The following TBC1D32 variants were observed in gnomAD, a reference collection of about 807,000 sequenced individuals.
TBC1D32 encodes protein broad-minded.
In TBC1D32, 151 loss-of-function variants were observed where a neutral mutation model predicts 170.3. The observed-to-expected ratio is 0.89, with a 90% confidence interval of 0.78 to 1.01. TBC1D32 has a LOEUF of 1.01. Ranked by LOEUF, TBC1D32 falls within the 50% of genes least tolerant of loss-of-function variation. TBC1D32 has a pLI of 0.00. For missense variants in TBC1D32, 1,464 were observed against 1,457.1 expected (o/e 1.00, Z -0.08); for synonymous variants, 498 against 488.0 (o/e 1.02, Z -0.27).
chr6:121,221,117 C>T (rs1048422582), intron 21 of TBC1D32, among the ~76,000 whole-genome samples: 1 of 152,166 alleles, frequency 6.6e-6, no homozygotes, highest in Non-Finnish European at 1.5e-5. Context: ...GCTCATTTAC[C>T]ATTCCAAAAA....
chr6:121,236,097 C>A (rs527457962), intron 20 of TBC1D32, among the ~76,000 whole-genome samples: 1 of 149,466 alleles, frequency 6.7e-6, no homozygotes, highest in East Asian at 2.0e-4. Flanking sequence ...TCCTCCCCAC[C>A]TTATTCTGTG....
intron 30 of TBC1D32, among the ~76,000 whole-genome samples, chr6:121,094,694 C>A (rs1383623995): frequency 2.0e-5 from 3 of 151,824 alleles, no homozygotes; most frequent in Non-Finnish European, 2.9e-5. Flanking sequence ...CTATAGGTTC[C>A]CCTCCTTTCC....
Position 121,080,832 on chromosome 6 carries a change from T to C in TBC1D32, c.3713A>G (p.Glu1238Gly), listed in dbSNP as rs770444598. Residue 1238 changes from glutamate to glycine, a missense_variant, in exon 32 of 32, where the codon GAA becomes GGA. Glu to Gly is a moderately conservative substitution (Grantham distance 98). Transcript: ENST00000398212. ...SDYFEYMEIL[E>G]QNYRTVLLRD... ...CAGCAGCACTGTTCGGTAGTTTTGT[T>C]CCAAAATTTCCATGTATTCAAAATA... 6.2e-7 allele frequency: 1 copy of C among 1,613,954 alleles called. No homozygotes were observed. The highest frequency in any genetic ancestry group is 8.5e-7 in the Non-Finnish European group (1 of 1,179,922).
At chr6:121,220,642 T>TC (rs1794395425) in intron 21 of TBC1D32, among the ~76,000 whole-genome samples, 1 of 130,460 alleles carries the variant, frequency 7.7e-6, no homozygotes, top group Admixed American at 7.4e-5. Flanking sequence ...TTCTTTTTCT[T>TC]TTTTTTTTTT....
At chr6:121,301,323 G>A (rs1436552045) in intron 9 of TBC1D32, among the ~76,000 whole-genome samples, 1 of 152,134 alleles carries the variant, frequency 6.6e-6, no homozygotes, top group East Asian at 1.9e-4. Context: ...TAAAGAAAAT[G>A]TGGCACATAA....
chr6:121,288,871 T>C (rs1377215486), intron 12 of TBC1D32, among the ~76,000 whole-genome samples: 1 of 152,072 alleles, frequency 6.6e-6, no homozygotes, highest in African/African-American at 2.4e-5. Flanking sequence ...ATAAACGTAA[T>C]CCAGCATATA....
At chr6:121,089,159 C>A (rs1482882443) in intron 31 of TBC1D32, among the ~76,000 whole-genome samples, 2 of 152,104 alleles carry the variant, frequency 1.3e-5, no homozygotes, top group Non-Finnish European at 2.9e-5. Context: ...TATTTACTTA[C>A]ACAATCAACA....
chr6:121,184,954 C>CA (rs1788988146), intron 22 of TBC1D32, among the ~76,000 whole-genome samples: 1 of 151,996 alleles, frequency 6.6e-6, no homozygotes, highest in African/African-American at 2.4e-5. Flanking sequence ...CCTTGAAGAA[C>CA]ATTCACAAGT....
At chr6:121,332,240 A>G (rs1045267155) in intron 1 of TBC1D32, among the ~76,000 whole-genome samples, 1 of 152,168 alleles carries the variant, frequency 6.6e-6, no homozygotes, top group South Asian at 2.1e-4. Context: ...AAAAAAGAAA[A>G]AAGAGCTGCA....
At chr6:121,120,219 A>G (rs1780115175) in intron 26 of TBC1D32, among the ~76,000 whole-genome samples, 1 of 152,072 alleles carries the variant, frequency 6.6e-6, no homozygotes, top group Non-Finnish European at 1.5e-5. Context: ...GGAACCTTTA[A>G]GGAATTTAAA....
intron 22 of TBC1D32, among the ~76,000 whole-genome samples, chr6:121,202,434 A>G (rs1791708749): frequency 6.6e-6 from 1 of 151,198 alleles, no homozygotes; most frequent in Non-Finnish European, 1.5e-5. Flanking sequence ...AAAGAGAAGA[A>G]TTCACTAGAT....
chr6:121,288,266 A>C (rs556536793), intron 12 of TBC1D32, among the ~76,000 whole-genome samples: 2 of 152,300 alleles, frequency 1.3e-5, no homozygotes, highest in Admixed American at 1.3e-4. Flanking sequence ...CAAGACTAAT[A>C]AAGAAGAAAA....
At chr6:121,231,635 C>A (rs993121463) in intron 20 of TBC1D32, among the ~76,000 whole-genome samples, 4 of 151,862 alleles carry the variant, frequency 2.6e-5, no homozygotes, top group African/African-American at 9.7e-5. Context: ...AAGGTGGTAT[C>A]ACATTGTGGT....
At chr6:121,268,739 C>A (rs1287491778) in intron 15 of TBC1D32, among the ~76,000 whole-genome samples, 1 of 152,086 alleles carries the variant, frequency 6.6e-6, no homozygotes, top group Non-Finnish European at 1.5e-5. Flanking sequence ...GGCCAACATT[C>A]AAATTCAGGA....
At chr6:121,270,303 C>CA (rs1453251741) in intron 15 of TBC1D32, among the ~76,000 whole-genome samples, 2 of 151,304 alleles carry the variant, frequency 1.3e-5, no homozygotes, top group African/African-American at 2.4e-5. Context: ...AAAAACCCTT[C>CA]AAAAAAAATC....
At position 121,304,831 on chromosome 6, in the gene TBC1D32, G is replaced by A. The variant is rs891541608; in HGVS notation, c.693C>T (p.Asp231=). The A allele has an allele frequency of 3.7e-6, 6 of 1,605,030 alleles. No individual in the cohort carries two copies. The highest frequency in any genetic ancestry group is 4.3e-6 in the Non-Finnish European group (5 of 1,176,194). The stretch of plus-strand genomic sequence containing the variant: ...TCTGTGCACAGAATTTTAAAATCCG[G>A]TCCTACGGAAATGAGACAGAAAATT... ...SLSDPDPVFS[D]RILKFCAQTF... The change falls in exon 6 of 32, where the codon GAC becomes GAT. Residue 231 remains aspartate (D), a splice_region_variant and synonymous_variant. Transcript: ENST00000398212.
At chr6:121,089,033 T>C (rs1298828746) in intron 31 of TBC1D32, among the ~76,000 whole-genome samples, 1 of 152,162 alleles carries the variant, frequency 6.6e-6, no homozygotes, top group Admixed American at 6.5e-5. Flanking sequence ...AATTTAAAGA[T>C]GATGCTTTTG....
At chr6:121,190,269 C>T (rs1053896978) in intron 22 of TBC1D32, among the ~76,000 whole-genome samples, 1 of 149,372 alleles carries the variant, frequency 6.7e-6, no homozygotes, top group Non-Finnish European at 1.5e-5. Context: ...CCACCTCATC[C>T]TTTCCTCATT....
chr6:121,169,849 C>A (rs920104233), intron 22 of TBC1D32, among the ~76,000 whole-genome samples: 1 of 151,878 alleles, frequency 6.6e-6, no homozygotes, highest in African/African-American at 2.4e-5. Context: ...CAACAGTCAG[C>A]CAAATTGAGG....
Sources: allele counts gnomAD v4.1 joint callset (sites outside exome capture counted in the v4.1 genomes callset), GRCh38; gene constraint gnomAD v4.1.1; transcripts MANE v1.5; gene names NCBI Gene and HGNC (gene_info 2026-07-23, HGNC 2026-07-21).